PARD3: variants seen among roughly 807,000 people sequenced by gnomAD.
PARD3 encodes par-3 family cell polarity regulator, also known as partitioning defective 3 homolog.
Under a neutral mutation model 155.4 loss-of-function variants are expected in PARD3, and 75 were observed. The observed-to-expected ratio is 0.48, with a 90% CI of 0.40 to 0.58. The LOEUF is 0.58. PARD3 is among the 20% of genes least tolerant of loss of function. The pLI, the probability that PARD3 is intolerant of heterozygous loss-of-function variation, is 0.00. For missense variants in PARD3, 1,642 were observed against 1,721.7 expected, an observed-to-expected ratio of 0.95 and a Z score of 0.82; for synonymous variants, 576 against 610.5, an observed-to-expected ratio of 0.94 and a Z score of 0.83.
At chr10:34,568,675 C>A (rs561224536) in intron 2 of PARD3, among the ~76,000 whole-genome samples, 1 of 152,126 alleles carries the variant, frequency 6.6e-6, no homozygotes, top group Non-Finnish European at 1.5e-5. Flanking sequence ...TCAGACGCAG[C>A]GATTTCCAAG....
Position 34,384,337 on chromosome 10 carries a change from A to G in PARD3, c.891-83T>C, listed in dbSNP as rs1213974673. 2.4e-6 allele frequency: 3 copies of G among 1,231,144 alleles called. No homozygotes were observed. In the African/African-American group the frequency reaches 4.5e-5, roughly 18 times the overall value. 76.3% of individuals were successfully genotyped at this position (1,231,144 alleles called of 1,614,324 possible). A position where few individuals can be genotyped will look rare whatever the true frequency, so the allele number is the denominator to read the frequency against. On this transcript the variant is annotated intron_variant, in intron 7 of 24. Coordinates refer to ENST00000374788, the MANE Select transcript of PARD3 (RefSeq NM_001184785.2). The stretch of plus-strand genomic sequence containing the variant: ...CTTACCACTTTAATGCTGTTATTAT[A>G]TTTACAAAGATGTCCTTACAAAGGA...
chr10:34,192,453 C>A (rs1225849908), intron 22 of PARD3, among the ~76,000 whole-genome samples: 2 of 152,166 alleles, frequency 1.3e-5, no homozygotes, highest in Non-Finnish European at 2.9e-5. Context: ...GAAACAGCAC[C>A]AACCTTAGAA....
intron 12 of PARD3, among the ~76,000 whole-genome samples, chr10:34,368,599 G>C (rs946063766): frequency 9.2e-5 from 14 of 152,048 alleles, no homozygotes; most frequent in African/African-American, 2.9e-4. Flanking sequence ...GTGAACCCGG[G>C]GGGTGGAGCT....
intron 2 of PARD3, among the ~76,000 whole-genome samples, chr10:34,573,341 G>T (rs1199398927): frequency 2.6e-5 from 4 of 151,712 alleles, no homozygotes; most frequent in Non-Finnish European, 5.9e-5. Context: ...AGGCAACAGA[G>T]TAAGACCCTG....
At chr10:34,375,477 A>G (rs1333163188) in intron 10 of PARD3, among the ~76,000 whole-genome samples, 1 of 152,208 alleles carries the variant, frequency 6.6e-6, no homozygotes, top group Non-Finnish European at 1.5e-5. Flanking sequence ...AATTTTACTG[A>G]TAAATATAAA....
chr10:34,519,347 T>C (rs2133661631), intron 2 of PARD3, among the ~76,000 whole-genome samples: 2 of 152,308 alleles, frequency 1.3e-5, no homozygotes, highest in South Asian at 4.1e-4. Context: ...ATAGATGAAG[T>C]GTATATGGAA....
At chr10:34,359,932 C>T in intron 13 of PARD3, 139 bp downstream of exon 13, 1 of 645,864 alleles carries the variant, frequency 1.5e-6, no homozygotes. Context: ...CACTGATACA[C>T]CTAGTTGTTT....
intron 3 of PARD3, among the ~76,000 whole-genome samples, chr10:34,477,008 C>A (rs1245075670): frequency 6.6e-6 from 1 of 152,202 alleles, no homozygotes; most frequent in Non-Finnish European, 1.5e-5. Context: ...ACTGTCCTGA[C>A]TAATATAACA....
intron 4 of PARD3, among the ~76,000 whole-genome samples, chr10:34,460,730 G>C (rs2077594658): frequency 6.6e-6 from 1 of 152,082 alleles, no homozygotes; most frequent in African/African-American, 2.4e-5. Context: ...CTACTCGGGA[G>C]GCTGAGGCAG....
intron 2 of PARD3, among the ~76,000 whole-genome samples, chr10:34,607,540 A>C (rs2090564093): frequency 6.6e-6 from 1 of 152,240 alleles, no homozygotes; most frequent in Non-Finnish European, 1.5e-5. Flanking sequence ...ACAAATTCTA[A>C]TAATTACACA....
chr10:34,811,011 G>A (rs1446573406), intron 1 of PARD3, among the ~76,000 whole-genome samples: 1 of 152,142 alleles, frequency 6.6e-6, no homozygotes, highest in South Asian at 2.1e-4. Flanking sequence ...CAGGCTGAGA[G>A]GAGAGCTATG....
intron 5 of PARD3, among the ~76,000 whole-genome samples, chr10:34,406,418 G>A (rs1237955301): frequency 2.0e-5 from 3 of 152,172 alleles, no homozygotes; most frequent in Non-Finnish European, 4.4e-5. Flanking sequence ...TAGAACACGG[G>A]AGAAATGGCA....
intron 2 of PARD3, among the ~76,000 whole-genome samples, chr10:34,536,246 T>A (rs1231830654): frequency 6.6e-6 from 1 of 152,138 alleles, no homozygotes; most frequent in Non-Finnish European, 1.5e-5. Flanking sequence ...ACTCACTCCC[T>A]CAAATATGCA....
intron 23 of PARD3, among the ~76,000 whole-genome samples, chr10:34,129,672 G>C (rs1275231542): frequency 2.7e-5 from 2 of 74,666 alleles, no homozygotes; most frequent in Non-Finnish European, 6.7e-5. Flanking sequence ...CAAATCAAAT[G>C]TTCCTTTTTT....
chr10:34,192,567 C>G (rs1218646160), intron 22 of PARD3, among the ~76,000 whole-genome samples: 2 of 152,160 alleles, frequency 1.3e-5, no homozygotes, highest in African/African-American at 4.8e-5. Context: ...CAATAGGCTT[C>G]TAAACTGAGA....
chr10:34,418,314 G>A (rs899825966), intron 5 of PARD3, among the ~76,000 whole-genome samples: 3 of 151,932 alleles, frequency 2.0e-5, no homozygotes, highest in Non-Finnish European at 2.9e-5. Context: ...AGCTGAGAGT[G>A]CAGGCACTCA....
intron 7 of PARD3, among the ~76,000 whole-genome samples, chr10:34,398,600 C>T (rs1392310878): frequency 1.3e-5 from 2 of 152,124 alleles, no homozygotes; most frequent in Non-Finnish European, 2.9e-5. Context: ...GGAAAGGATG[C>T]GGTGCACCTC....
chr10:34,137,433 C>A (rs547097928), intron 22 of PARD3, among the ~76,000 whole-genome samples: 3 of 152,192 alleles, frequency 2.0e-5, no homozygotes, highest in African/African-American at 7.2e-5. Context: ...CTTGATTGCA[C>A]CCCGAGGGAG....
At chr10:34,318,741 C>CA (rs111512823) in intron 19 of PARD3, among the ~76,000 whole-genome samples, 2,054 of 151,970 alleles carry the variant, frequency 0.014, 48 homozygotes, top group African/African-American at 0.047. Context: ...TATCATAATG[C>CA]AAAAAACAAA....
Sources: allele counts gnomAD v4.1 joint callset (sites outside exome capture counted in the v4.1 genomes callset), GRCh38; gene constraint gnomAD v4.1.1; transcripts MANE v1.5; gene names NCBI Gene and HGNC (gene_info 2026-07-23, HGNC 2026-07-21).